The following GOLGA2 variants were observed in gnomAD, a reference collection of about 807,000 sequenced individuals.
GOLGA2 encodes golgin subfamily A member 2.
In GOLGA2, 49 loss-of-function variants were observed where a neutral mutation model predicts 148.8. That is an observed-to-expected ratio of 0.33 (90% CI 0.26 to 0.42). The LOEUF (loss-of-function observed/expected upper bound fraction) is 0.42. GOLGA2 is among the 10% of genes least tolerant of loss of function. The pLI is 1.00. For missense variants in GOLGA2, 1,178 were observed against 1,304.6 expected, an observed-to-expected ratio of 0.90 and a Z score of 1.49; for synonymous variants, 501 against 511.8, an observed-to-expected ratio of 0.98 and a Z score of 0.28.
chr9:128,261,405 T>C lies in GOLGA2; in HGVS notation c.1332+49A>G. The C allele has an allele frequency of 7.9e-7, 1 of 1,265,712 alleles. No individual in the cohort carries two copies. The highest frequency in any genetic ancestry group is 1.2e-6 in the Non-Finnish European group (1 of 862,126). 78.4% of individuals were successfully genotyped at this position (1,265,712 alleles called of 1,614,324 possible). On this transcript the variant is annotated intron_variant, in intron 16 of 26. Coordinates refer to ENST00000611957, the MANE Select transcript of GOLGA2 (RefSeq NM_001366244.2). The surrounding 1 kb of genome is among the most constrained non-coding windows in gnomAD (Gnocchi z 5.7). ...CCCATTTCGCAGATGCCCAGAAAGA[T>C]CAAGTGACCTATCTAAGGTTGAGGG...
rs752319587 is a variant in GOLGA2 at position 128,266,363 on chromosome 9, C to A, written c.643-38G>T. The A allele has an allele frequency of 1.3e-6, 2 of 1,586,798 alleles. 1 individual carries two copies. Among genetic ancestry groups the A allele is most frequent in the South Asian group, 2.2e-5 (2 of 90,564 alleles). Reference sequence around the variant, plus strand: ...GTCAAAGGAAGGTGACTGAGGGTGGCCCCCTCAACTCTATTCCCCAGACCA... The same window carrying A: ...GTCAAAGGAAGGTGACTGAGGGTGGACCCCTCAACTCTATTCCCCAGACCA... On this transcript the variant is annotated intron_variant, in intron 8 of 26. Coordinates refer to ENST00000611957, the MANE Select transcript of GOLGA2 (RefSeq NM_001366244.2). The surrounding 1 kb of genome is among the most constrained non-coding windows in gnomAD (Gnocchi z 4.2).
At position 128,272,127 on chromosome 9, in the gene GOLGA2, G is replaced by GT. The variant is rs796122725; in HGVS notation, c.288+657dup. 9.1e-3 allele frequency among the ~76,000 whole-genome samples: 1,256 copies of GT among 138,104 alleles called. 16 individuals are homozygous for GT. Among genetic ancestry groups the GT allele is most frequent in the African/African-American group, 0.029 (1,095 of 38,224 alleles). The allele number at this position is 138,104 out of a possible 152,430, so 90.6% of individuals were successfully genotyped here. ...CCTAAAGGTCTGTTGGTTTTTTTGT[G>GT]TTTTTTTTTTTTCATCTCTCCTAGT... On this transcript the variant is annotated intron_variant, in intron 3 of 26. Transcript: ENST00000611957.
intron 7 of GOLGA2, 72 bp from the exon 8 acceptor site, chr9:128,267,346 TGG>T: frequency 2.3e-6 from 3 of 1,296,240 alleles, no homozygotes; most frequent in Non-Finnish European, 3.4e-6. Context: ...TCATTAGGGT[TGG>T]GGGGTGTGTG....
intron 1 of GOLGA2, 132 bp from the exon 2 acceptor site, chr9:128,274,104 T>C: frequency 1.2e-6 from 1 of 835,114 alleles, no homozygotes; most frequent in Admixed American, 2.3e-5. Flanking sequence ...CAAGTTCTTG[T>C]CACAATCACT....
At chr9:128,262,831 G>A in intron 13 of GOLGA2, 127 bp from the exon 14 acceptor site, 5 of 935,034 alleles carry the variant, frequency 5.3e-6, no homozygotes, top group Non-Finnish European at 8.3e-6. Context: ...GGAATCAAAA[G>A]TCACATGTAC....
chr9:128,259,925 A>T lies in GOLGA2; in HGVS notation c.1872+151T>A. 3 of 678,646 alleles carry T rather than the reference A, an allele frequency of 4.4e-6. 1 individual carries two copies. The South Asian group carries it at 4.8e-5, about 11-fold the overall frequency. The allele number at this position is 678,646 out of a possible 1,614,324, so 42.0% of individuals were successfully genotyped here. ...CCAAAGCTATCCACCTCTAAAAGTCAGAGGGCAGGGAGCAAGAAACAGTCA... is the reference window on the plus strand; with the variant it reads ...CCAAAGCTATCCACCTCTAAAAGTCTGAGGGCAGGGAGCAAGAAACAGTCA... On this transcript the variant is annotated intron_variant, in intron 19 of 26. Transcript: ENST00000611957.
chr9:128,274,889 A>G (rs952008452), intron 1 of GOLGA2, among the ~76,000 whole-genome samples: 16 of 152,216 alleles, frequency 1.1e-4, no homozygotes, highest in Non-Finnish European at 2.1e-4. Context: ...GATATGAGGA[A>G]GATTCAAGCT....
intron 3 of GOLGA2, among the ~76,000 whole-genome samples, chr9:128,269,078 C>T (rs1830776366): frequency 6.6e-6 from 1 of 152,148 alleles, no homozygotes; most frequent in South Asian, 2.1e-4. Context: ...GCTCCCACCT[C>T]AGCCTCCCTA....
intron 6 of GOLGA2, among the ~76,000 whole-genome samples, 171 bp downstream of exon 6, chr9:128,267,763 T>C (rs1465311315): frequency 6.6e-6 from 1 of 152,118 alleles, no homozygotes; most frequent in African/African-American, 2.4e-5. Context: ...GTCCAACTCC[T>C]TCATGTGCAC....
Position 128,266,783 on chromosome 9 carries a change from G to A in GOLGA2, c.642+411C>T, listed in dbSNP as rs1254571689. 8.6e-6 allele frequency: 3 copies of A among 350,514 alleles called. No homozygotes were observed. The highest frequency in any genetic ancestry group is 4.2e-5 in the African/African-American group (2 of 47,086). The allele number at this position is 350,514 out of a possible 1,614,324, so 21.7% of individuals were successfully genotyped here. ...TTAAATCTTGGACTCTCAGAGCTAAGAGACCTTTGATACTCTCTAACTCTA... is the reference window on the plus strand; with the variant it reads ...TTAAATCTTGGACTCTCAGAGCTAAAAGACCTTTGATACTCTCTAACTCTA... On this transcript the variant is annotated intron_variant, in intron 8 of 26. Coordinates refer to ENST00000611957, the MANE Select transcript of GOLGA2 (RefSeq NM_001366244.2). The surrounding 1 kb of genome is among the most constrained non-coding windows in gnomAD (Gnocchi z 4.2).
At chr9:128,259,506 G>T (rs1443638425) in intron 19 of GOLGA2, 115 bp from the exon 20 acceptor site, 2 of 654,234 alleles carry the variant, frequency 3.1e-6, no homozygotes, top group African/African-American at 1.8e-5. Context: ...CCTTGCTCCA[G>T]GCCTAAGTGA....
rs1830249312 is a variant in GOLGA2 at position 128,261,175 on chromosome 9, T to A, written c.1417A>T (p.Met473Leu). The change falls in exon 17 of 27, where the codon ATG (methionine) becomes TTG (leucine). Residue 473 changes from methionine to leucine, a missense_variant. Physicochemically the swap from Met to Leu is conservative, Grantham distance 15. Coordinates refer to ENST00000611957, the MANE Select transcript of GOLGA2 (RefSeq NM_001366244.2). This position sits in a 1 kb window ranked among gnomAD's most constrained non-coding sequence, Gnocchi z 5.7. ...ETSLAELRNQ[M>L]AEPPPPEPPA... ...GGTCACCCCAGCCCCAGCTTACCCA[T>A]CTGGTTCCTCAGTTCAGCCAAGCTC... 1.9e-6 allele frequency: 3 copies of A among 1,607,192 alleles called. No individual in the cohort carries two copies. The East Asian group carries it at 6.7e-5, about 36-fold the overall frequency.
At position 128,272,791 on chromosome 9, in the gene GOLGA2, C is replaced by G. The variant is rs565680800; in HGVS notation, c.282G>C (p.Lys94Asn). The change falls in exon 3 of 27, where the codon AAG becomes AAC. Residue 94 changes from lysine (K) to asparagine (N), a missense_variant. Lys to Asn is a moderately conservative substitution (Grantham distance 94, BLOSUM62 0). Coordinates refer to ENST00000611957, the MANE Select transcript of GOLGA2 (RefSeq NM_001366244.2). ...SNGVALPPLD[K>N]WKTPKDNAAT... The stretch of plus-strand genomic sequence containing the variant: ...GGTCTCGGCACTGCCTCACCTTCCA[C>G]TTGTCCAATGGGGGGAGCGCTACCC... 1.8e-5 allele frequency: 23 copies of G among 1,250,666 alleles called. No individual in the cohort carries two copies. The highest frequency in any genetic ancestry group is 2.9e-4 in the Middle Eastern group (1 of 3,398). The allele number at this position is 1,250,666 out of a possible 1,614,324, so 77.5% of individuals were successfully genotyped here.
intron 12 of GOLGA2, among the ~76,000 whole-genome samples, chr9:128,264,572 G>A (rs1830483596): frequency 6.6e-6 from 1 of 151,974 alleles, no homozygotes; most frequent in African/African-American, 2.4e-5. Context: ...AATTACAGGG[G>A]CACGCCACCA....
In GOLGA2 at chr9:128,275,903, G is replaced by A; in HGVS notation, c.74C>T (p.Ala25Val). Residue 25 changes from alanine (A) to valine (V), a missense_variant, in exon 1 of 27, where the codon GCG becomes GTG. By Grantham distance (64) the Ala-to-Val change is moderately conservative. This residue lies in a region of GOLGA2 where 158 missense variants were observed against 156.6 expected (regional missense o/e 1.01). Coordinates refer to ENST00000611957, the MANE Select transcript of GOLGA2 (RefSeq NM_001366244.2). ...CCCGGTGCACTTTACCTTTTTCTTC[G>A]CTGCGGCCAATTTGCTCTGTCGGGT... ...EETRQSKLAA[A>V]KKKLREYQQR... 6.4e-7 allele frequency: 1 copy of A among 1,569,096 alleles called. No homozygotes were observed. The highest frequency in any genetic ancestry group is 8.7e-7 in the Non-Finnish European group (1 of 1,155,150).
At position 128,261,108 on chromosome 9, in the gene GOLGA2, C is replaced by G; in HGVS notation, c.1420+64G>C. On this transcript the variant is annotated intron_variant, in intron 17 of 26. Transcript: ENST00000611957. The surrounding 1 kb of genome is among the most constrained non-coding windows in gnomAD (Gnocchi z 5.7). ...CATCCACCCAACTCCCTGGGGCATT[C>G]TAAACCACCCCCACAACCCTCTGAC... is the stretch of plus-strand genomic sequence containing the variant. 8.6e-7 allele frequency: 1 copy of G among 1,157,770 alleles called. No homozygotes were observed. Among genetic ancestry groups the G allele is most frequent in the Non-Finnish European group, 1.3e-6 (1 of 764,856 alleles). 71.7% of individuals were successfully genotyped at this position (1,157,770 alleles called of 1,614,324 possible).
chr9:128,262,981 A>C, intron 13 of GOLGA2, 53 bp downstream of exon 13: 2 of 1,153,234 alleles, frequency 1.7e-6, no homozygotes, highest in Admixed American at 1.7e-5. Context: ...CTCCCAGCAC[A>C]CCACCCATGC....
Position 128,261,295 on chromosome 9 carries a change from G to A in GOLGA2, c.1333-36C>T. 6.5e-7 allele frequency: 1 copy of A among 1,544,608 alleles called. No homozygotes were observed. Among genetic ancestry groups the A allele is most frequent in the Non-Finnish European group, 9.0e-7 (1 of 1,117,256 alleles). On this transcript the variant is annotated intron_variant, in intron 16 of 26. Coordinates refer to ENST00000611957, the MANE Select transcript of GOLGA2 (RefSeq NM_001366244.2). This position sits in a 1 kb window ranked among gnomAD's most constrained non-coding sequence, Gnocchi z 5.7. The stretch of plus-strand genomic sequence containing the variant: ...CACAGCAAGAAAGGGCCCTGGAGAG[G>A]GGCTGGTGGCTGGACAGGCTACCAT...
At position 128,275,954 on chromosome 9, in the gene GOLGA2, G is replaced by A. The variant is rs1392278112; in HGVS notation, c.23C>T (p.Pro8Leu). Residue 8 changes from proline (P) to leucine (L), a missense_variant, in exon 1 of 27, where the codon CCT becomes CTT. By Grantham distance (98) the Pro-to-Leu change is moderately conservative. Coordinates refer to ENST00000611957, the MANE Select transcript of GOLGA2 (RefSeq NM_001366244.2). MWPQPRL[P>L]PRPAMSEETR... ...TTCTTCCGACATCGCGGGGCGGGGAGGGAGGCGGGGTTGGGGCCACATCAG... is the reference window on the plus strand; with the variant it reads ...TTCTTCCGACATCGCGGGGCGGGGAAGGAGGCGGGGTTGGGGCCACATCAG... 14 of 1,595,654 alleles carry A rather than the reference G, an allele frequency of 8.8e-6. No individual in the cohort carries two copies. The highest frequency in any genetic ancestry group is 1.2e-5 in the Non-Finnish European group (14 of 1,171,648).
Sources: allele counts gnomAD v4.1 joint callset (sites outside exome capture counted in the v4.1 genomes callset), GRCh38; gene constraint gnomAD v4.1.1; regional missense constraint gnomAD v4.1.1; non-coding constraint Gnocchi (gnomAD v3.1); transcripts MANE v1.5; gene names NCBI Gene and HGNC (gene_info 2026-07-23, HGNC 2026-07-21).